Variants in PGM3 observed in about 807,000 individuals in gnomAD.
PGM3 encodes phosphoacetylglucosamine mutase.
PGM3 carries 40 observed loss-of-function variants against 66.2 expected under a neutral mutation model. The observed-to-expected ratio is 0.60, with a 90% CI of 0.47 to 0.79. PGM3 has a LOEUF of 0.79. Among genes scored for constraint, PGM3 ranks in the 30% least tolerant of loss-of-function variants. PGM3 has a pLI of 0.00. For synonymous variants in PGM3, 191 were observed against 224.2 expected (o/e 0.85, Z 1.32); for missense variants, 537 against 643.4 (o/e 0.83, Z 1.79).
Position 83,179,802 on chromosome 6 carries a change from C to A in PGM3, c.945+8G>T, listed in dbSNP as rs1000781954. On this transcript the variant is annotated splice_region_variant and intron_variant, in intron 7 of 12. Coordinates refer to ENST00000513973, the MANE Select transcript of PGM3 (RefSeq NM_015599.3). The stretch of plus-strand genomic sequence containing the variant: ...TGTTTTAGAGGGTAGCCAATCCCCC[C>A]ACCATACCTCCACCAGGAGCTCTTT... 6.2e-7 allele frequency: 1 copy of A among 1,604,358 alleles called. No individual in the cohort carries two copies. Among genetic ancestry groups the A allele is most frequent in the Admixed American group, 1.7e-5 (1 of 59,012 alleles).
downstream of PGM3, chr6:83,163,027 A>G: frequency 1.5e-6 from 2 of 1,318,904 alleles, no homozygotes; most frequent in Non-Finnish European, 2.0e-6. Context: ...AAGTTGAGCT[A>G]TTTTGAAAAC....
At chr6:83,160,784 T>A (rs1784047973), downstream of PGM3, among the ~76,000 whole-genome samples, 1 of 152,214 alleles carries the variant, frequency 6.6e-6, no homozygotes, top group Non-Finnish European at 1.5e-5. Context: ...TTATATTGTG[T>A]CTTATTTTTC....
rs139511953 is a variant in PGM3, at chr6:83,174,412, C to A, written c.1204G>T (p.Ala402Ser). The A allele has an allele frequency of 1.2e-6, 2 of 1,607,212 alleles. No homozygotes were observed. Among genetic ancestry groups the A allele is most frequent in the Non-Finnish European group, 1.7e-6 (2 of 1,175,040 alleles). The change falls in exon 10 of 13, where the codon GCT becomes TCT. Residue 402 changes from alanine to serine, a missense_variant. Coordinates refer to ENST00000513973, the MANE Select transcript of PGM3 (RefSeq NM_015599.3). ...EQLEDKKRKAAKMLENIIDLF... is the reference protein window; with the variant it reads ...EQLEDKKRKASKMLENIIDLF... ...TCAATAATGTTTTCAAGCATCTTAGCAGCTTTTCTTTTCTTATCTTCCAGT... is the reference window on the plus strand; with the variant it reads ...TCAATAATGTTTTCAAGCATCTTAGAAGCTTTTCTTTTCTTATCTTCCAGT...
In PGM3 at chr6:83,166,382, A is replaced by C; in HGVS notation, c.*2852T>G. The C allele has an allele frequency of 1.4e-6, 1 of 700,824 alleles. No individual in the cohort carries two copies. Among genetic ancestry groups the C allele is most frequent in the Non-Finnish European group, 2.6e-6 (1 of 384,260 alleles). The allele number at this position is 700,824 out of a possible 1,614,324, so 43.4% of individuals were successfully genotyped here. A position where few individuals can be genotyped will look rare whatever the true frequency, so the allele number is the denominator to read the frequency against. On this transcript the variant is annotated 3_prime_UTR_variant, in exon 13 of 13. Coordinates refer to ENST00000513973, the MANE Select transcript of PGM3 (RefSeq NM_015599.3). ...CTAGTCTCCTTTGCAAAACTTCTTG[A>C]GCCATCACGGCACTGTATGTTCATT...
At chr6:83,151,119 A>G in the PGM3 span, among the ~76,000 whole-genome samples, 2 of 152,134 alleles carry the variant, frequency 1.3e-5, no homozygotes, top group African/African-American at 4.8e-5. Context: ...ACATATCTGT[A>G]ATTTTTCATT....
At chr6:83,193,790 CT>C (rs1789399570), upstream of PGM3, 1 of 152,520 alleles carries the variant, frequency 6.6e-6, no homozygotes, top group African/African-American at 2.4e-5. Flanking sequence ...CTGTAAACAT[CT>C]TTTATTTAAT....
At chr6:83,191,412 C>A in intron 1 of PGM3, 1 of 618,260 alleles carries the variant, frequency 1.6e-6, no homozygotes, top group Non-Finnish European at 2.9e-6. Flanking sequence ...CCTAAATTAA[C>A]ATAGATAGCT....
chr6:83,151,534 C>T, the PGM3 span: 7 of 1,364,404 alleles, frequency 5.1e-6, no homozygotes, highest in African/African-American at 5.8e-5. Flanking sequence ...GAAATTAGAT[C>T]GCATTAGTTT....
At position 83,166,093 on chromosome 6, in the gene PGM3, G is replaced by A. The variant is rs761997051; in HGVS notation, c.*3141C>T. 1.1e-5 allele frequency: 4 copies of A among 367,870 alleles called. No homozygotes were observed. Among genetic ancestry groups the A allele is most frequent in the Non-Finnish European group, 1.9e-5 (4 of 205,390 alleles). The allele number at this position is 367,870 out of a possible 1,614,324, so 22.8% of individuals were successfully genotyped here. On this transcript the variant is annotated 3_prime_UTR_variant, in exon 13 of 13. Coordinates refer to ENST00000513973, the MANE Select transcript of PGM3 (RefSeq NM_015599.3). ...ACACATCACAATCCGATAGAGAAAT[G>A]ATTCATTATTGTTGCATAGAATAGA...
At chr6:83,162,890 C>G, downstream of PGM3, 1 of 1,612,902 alleles carries the variant, frequency 6.2e-7, no homozygotes, top group Non-Finnish European at 8.5e-7. Context: ...CGTGGTACGA[C>G]TAGCAAAACT....
chr6:83,157,214 G>A, downstream of PGM3: 1 of 1,613,900 alleles, frequency 6.2e-7, no homozygotes, highest in Non-Finnish European at 8.5e-7. Context: ...TTTGCCACAG[G>A]TGCCAACTCT....
chr6:83,151,127 ATTG>A, the PGM3 span, among the ~76,000 whole-genome samples: 4 of 152,010 alleles, frequency 2.6e-5, no homozygotes, highest in Admixed American at 6.6e-5. Flanking sequence ...GTAATTTTTC[ATTG>A]TTGTTTAGTA....
At chr6:83,175,925 G>C in intron 9 of PGM3, 37 bp downstream of exon 9, 1 of 1,088,096 alleles carries the variant, frequency 9.2e-7, no homozygotes, top group East Asian at 2.4e-5. Context: ...ATAAAGAAAA[G>C]TGCCAGCTAA....
chr6:83,174,900 T>C (rs1787641108), intron 9 of PGM3, among the ~76,000 whole-genome samples: 1 of 152,212 alleles, frequency 6.6e-6, no homozygotes, highest in Non-Finnish European at 1.5e-5. Context: ...TTCTAAAACT[T>C]AAGGGGATGA....
Position 83,166,983 on chromosome 6 carries a change from C to G in PGM3, c.*2251G>C. The G allele has an allele frequency of 1.0e-6, 1 of 986,002 alleles. No individual in the cohort carries two copies. Among genetic ancestry groups the G allele is most frequent in the African/African-American group, 1.7e-5 (1 of 57,366 alleles). The allele number at this position is 986,002 out of a possible 1,614,324, so 61.1% of individuals were successfully genotyped here. ...TATCTGTGATTCTGCCCAAGTTCAACCAACCTGTTCTCTCTTATCTTTCTC... is the reference window on the plus strand; with the variant it reads ...TATCTGTGATTCTGCCCAAGTTCAAGCAACCTGTTCTCTCTTATCTTTCTC... On this transcript the variant is annotated 3_prime_UTR_variant, in exon 13 of 13. Coordinates refer to ENST00000513973, the MANE Select transcript of PGM3 (RefSeq NM_015599.3).
In PGM3 at chr6:83,168,355, G is replaced by T. The variant is rs1562403366; in HGVS notation, c.*879C>A. 7.9e-6 allele frequency: 11 copies of T among 1,397,708 alleles called. No homozygotes were observed. Among genetic ancestry groups the T allele is most frequent in the Non-Finnish European group, 1.0e-5 (11 of 1,080,304 alleles). 86.6% of individuals were successfully genotyped at this position (1,397,708 alleles called of 1,614,324 possible). A position where few individuals can be genotyped will look rare whatever the true frequency, so the allele number is the denominator to read the frequency against. ...CCTGAATCAAGTTTAAATATTGTTG[G>T]CTCATACTGATTATGGTGCCTAAGA... On this transcript the variant is annotated 3_prime_UTR_variant, in exon 13 of 13. Transcript: ENST00000513973.
chr6:83,152,202 T>G, the PGM3 span: 9 of 760,874 alleles, frequency 1.2e-5, no homozygotes, highest in Non-Finnish European at 1.8e-5. Flanking sequence ...TATACATATA[T>G]AAAAATAATA....
chr6:83,191,547 G>A (rs1789055167), intron 1 of PGM3, among the ~76,000 whole-genome samples: 1 of 152,148 alleles, frequency 6.6e-6, no homozygotes, highest in South Asian at 2.1e-4. Flanking sequence ...ATTCTTAAAG[G>A]AAAAGCAAAA....
chr6:83,172,663 C>T (rs527283294), intron 10 of PGM3, among the ~76,000 whole-genome samples: 1 of 151,846 alleles, frequency 6.6e-6, no homozygotes, highest in Non-Finnish European at 1.5e-5. Flanking sequence ...CATCTCAAAA[C>T]AAAACAACAA....
Sources: gnomAD v4.1 joint callset for allele counts (sites outside exome capture counted in the v4.1 genomes callset) on GRCh38, gnomAD v4.1.1 for gene constraint, MANE v1.5 for transcripts, NCBI Gene and HGNC (gene_info 2026-07-23, HGNC 2026-07-21) for gene names.